RGS6: variants seen among roughly 807,000 people sequenced by gnomAD.
The protein encoded by RGS6 is regulator of G-protein signaling 6.
Under a neutral mutation model 78.5 loss-of-function variants are expected in RGS6, and 30 were observed. The ratio of observed to expected loss-of-function variants is 0.38; its 90% CI spans 0.29 to 0.52. The LOEUF is 0.52. Ranked by LOEUF, RGS6 falls within the 20% of genes least tolerant of loss-of-function variation. The pLI is 0.85. For missense variants in RGS6, 495 were observed against 609.7 expected (o/e 0.81, Z 1.98); for synonymous variants, 206 against 206.0 (o/e 1.00, Z 0.00).
At chr14:72,446,176 A>G (rs931401466) in intron 3 of RGS6, among the ~76,000 whole-genome samples, 16 of 152,196 alleles carry the variant, frequency 1.1e-4, no homozygotes, top group Non-Finnish European at 1.6e-4. Context: ...GGCCTGGGAC[A>G]GATTCTCCCT....
At chr14:72,427,550 G>A (rs923637330) in intron 3 of RGS6, among the ~76,000 whole-genome samples, 9 of 152,202 alleles carry the variant, frequency 5.9e-5, no homozygotes, top group Non-Finnish European at 1.0e-4. Context: ...TGATTATTCT[G>A]TTGGGGGTAG....
At chr14:72,576,666 G>A in the RGS6 span, among the ~76,000 whole-genome samples, 1 of 152,210 alleles carries the variant, frequency 6.6e-6, no homozygotes, top group Non-Finnish European at 1.5e-5. Context: ...GTGGTCCCAT[G>A]ATGCAGACAG....
intron 2 of RGS6, among the ~76,000 whole-genome samples, chr14:72,257,078 T>G (rs534128991): frequency 2.0e-5 from 3 of 152,208 alleles, no homozygotes; most frequent in Non-Finnish European, 4.4e-5. Context: ...GAAGTTGCTG[T>G]GAAAACCAAG....
At chr14:72,593,689 A>G in the RGS6 span, among the ~76,000 whole-genome samples, 1 of 152,138 alleles carries the variant, frequency 6.6e-6, no homozygotes, top group Non-Finnish European at 1.5e-5. Context: ...GCCCAACAGA[A>G]GTCTGTGTTT....
intron 2 of RGS6, among the ~76,000 whole-genome samples, chr14:72,005,274 G>A (rs2084290957): frequency 6.6e-6 from 1 of 152,028 alleles, no homozygotes; most frequent in Non-Finnish European, 1.5e-5. Flanking sequence ...TTCCCCCTGA[G>A]TATAAGAATT....
chr14:72,126,507 G>A (rs866088069), intron 2 of RGS6, among the ~76,000 whole-genome samples: 21 of 152,216 alleles, frequency 1.4e-4, no homozygotes, highest in African/African-American at 1.9e-4. Context: ...ACATAGAGCC[G>A]TTGGTTAAGT....
chr14:72,446,707 C>T (rs2095372817), intron 3 of RGS6, among the ~76,000 whole-genome samples: 1 of 152,160 alleles, frequency 6.6e-6, no homozygotes, highest in Non-Finnish European at 1.5e-5. Context: ...TAGTGGGAGC[C>T]CTGAGCTTGT....
intron 2 of RGS6, among the ~76,000 whole-genome samples, chr14:72,117,429 T>TC (rs983580849): frequency 1.1e-4 from 17 of 151,396 alleles, no homozygotes; most frequent in African/African-American, 3.4e-4. Context: ...ATGCATTGGC[T>TC]CCCCCCCACC....
intron 2 of RGS6, among the ~76,000 whole-genome samples, chr14:72,159,676 C>T (rs1215742671): frequency 2.0e-5 from 3 of 152,190 alleles, no homozygotes; most frequent in Non-Finnish European, 4.4e-5. Flanking sequence ...GTTTCCAGTG[C>T]TCCACATATG....
At chr14:72,616,429 A>G in the RGS6 span, among the ~76,000 whole-genome samples, 44 of 152,202 alleles carry the variant, frequency 2.9e-4, 1 homozygote, top group Admixed American at 4.6e-4. Context: ...CCTTGGTCGC[A>G]GCCCAGCCCT....
chr14:72,211,004 C>T (rs917621993), intron 2 of RGS6, among the ~76,000 whole-genome samples: 1 of 152,026 alleles, frequency 6.6e-6, no homozygotes, highest in African/African-American at 2.4e-5. Context: ...AAATCAGAAC[C>T]CTTTGTTTTA....
the RGS6 span, among the ~76,000 whole-genome samples, chr14:71,914,528 G>A: frequency 1.3e-5 from 2 of 151,994 alleles, no homozygotes; most frequent in African/African-American, 4.8e-5. Context: ...TCTCCAGCTT[G>A]CCTTTAAGTC....
At chr14:72,048,707 G>A (rs1003229995) in intron 2 of RGS6, among the ~76,000 whole-genome samples, 8 of 151,784 alleles carry the variant, frequency 5.3e-5, no homozygotes, top group Non-Finnish European at 8.8e-5. Context: ...TTTCTTAACA[G>A]AGAAAATTGA....
chr14:72,482,901 T>C (rs114339654), intron 12 of RGS6, among the ~76,000 whole-genome samples: 1,786 of 152,356 alleles, frequency 0.012, 41 homozygotes, highest in African/African-American at 0.041. Flanking sequence ...TTGATTAGCT[T>C]TGATCCTAAA....
intron 2 of RGS6, among the ~76,000 whole-genome samples, chr14:72,135,873 A>G (rs1444942822): frequency 3.9e-5 from 6 of 151,948 alleles, no homozygotes; most frequent in Non-Finnish European, 8.8e-5. Context: ...AAAGAGGAGG[A>G]AGAGGAGGAG....
intron 2 of RGS6, among the ~76,000 whole-genome samples, chr14:72,142,141 C>G (rs924239074): frequency 3.3e-5 from 5 of 152,114 alleles, no homozygotes; most frequent in African/African-American, 9.7e-5. Flanking sequence ...GTTAATTGTA[C>G]TAGCTTAAGA....
intron 2 of RGS6, among the ~76,000 whole-genome samples, chr14:71,975,246 C>T (rs916199234): frequency 4.6e-5 from 7 of 152,166 alleles, no homozygotes; most frequent in African/African-American, 1.7e-4. Context: ...TTTTATTTAT[C>T]ATAACTGTCA....
chr14:72,188,717 GTCT>G (rs1403766389), intron 2 of RGS6, among the ~76,000 whole-genome samples: 2 of 152,100 alleles, frequency 1.3e-5, no homozygotes, highest in African/African-American at 2.4e-5. Context: ...CATTTCTGTG[GTCT>G]TCTTGATGGA....
At chr14:72,344,009 A>G (rs893264929) in intron 2 of RGS6, among the ~76,000 whole-genome samples, 1 of 152,178 alleles carries the variant, frequency 6.6e-6, no homozygotes, top group African/African-American at 2.4e-5. Flanking sequence ...GGCCTGACCA[A>G]AAGGACTTGC....
Sources: gnomAD v4.1 joint callset for allele counts (sites outside exome capture counted in the v4.1 genomes callset) on GRCh38, gnomAD v4.1.1 for gene constraint, MANE v1.5 for transcripts, NCBI Gene and HGNC (gene_info 2026-07-23, HGNC 2026-07-21) for gene names.